Variants in HOOK3 observed in about 807,000 individuals in gnomAD.
The protein encoded by HOOK3 is protein Hook homolog 3.
HOOK3 carries 24 observed loss-of-function variants against 116.3 expected under a neutral mutation model. The observed-to-expected ratio is 0.21, with a 90% confidence interval of 0.15 to 0.29. HOOK3 has a LOEUF of 0.29. Ranked by LOEUF, HOOK3 falls within the 10% of genes least tolerant of loss-of-function variation. The pLI is 1.00. For synonymous variants in HOOK3, 275 were observed against 283.0 expected, an observed-to-expected ratio of 0.97 and a Z score of 0.28; for missense variants, 632 against 830.2, an observed-to-expected ratio of 0.76 and a Z score of 2.93.
intron 2 of HOOK3, among the ~76,000 whole-genome samples, chr8:42,915,630 C>G (rs1048309650): frequency 7.9e-5 from 12 of 152,064 alleles, no homozygotes; most frequent in African/African-American, 2.7e-4. Context: ...CGGGGTTTCA[C>G]TATGTTGGCC....
chr8:42,929,987 T>C, intron 3 of HOOK3, 135 bp from the exon 4 acceptor site: 1 of 745,842 alleles, frequency 1.3e-6, no homozygotes, highest in Non-Finnish European at 2.1e-6. Flanking sequence ...AATTCAAATA[T>C]GCTTTTGAAT....
chr8:42,911,218 G>A (rs1038264310), intron 2 of HOOK3, among the ~76,000 whole-genome samples: 8 of 152,288 alleles, frequency 5.3e-5, no homozygotes, highest in East Asian at 1.9e-4. Context: ...TTGGGAGGCC[G>A]AGGCGGGTGG....
chr8:42,954,263 T>C (rs1439522845), intron 6 of HOOK3, among the ~76,000 whole-genome samples: 1 of 152,220 alleles, frequency 6.6e-6, no homozygotes, highest in African/African-American at 2.4e-5. Context: ...CCCTTTTCTA[T>C]ATTTTTAAAT....
chr8:42,953,541 G>A (rs959976263), intron 6 of HOOK3, among the ~76,000 whole-genome samples: 9 of 151,334 alleles, frequency 5.9e-5, no homozygotes, highest in African/African-American at 2.2e-4. Context: ...TCCAGCCTGG[G>A]TGATAGTGCC....
At chr8:42,985,612 A>G in intron 14 of HOOK3, among the ~76,000 whole-genome samples, 1 of 152,090 alleles carries the variant, frequency 6.6e-6, no homozygotes, top group African/African-American at 2.4e-5. Flanking sequence ...TTTACTTTGT[A>G]ACTGAAAAAT....
At chr8:42,970,782 C>CTTTTTTTT (rs764513803) in intron 11 of HOOK3, among the ~76,000 whole-genome samples, 2,149 of 93,820 alleles carry the variant, frequency 0.023, 127 homozygotes, top group African/African-American at 0.051. Context: ...GAATTTGGGT[C>CTTTTTTTT]TTTTTTTTTT....
rs539771043 is a variant in HOOK3, at chr8:43,019,717, A to G, written c.*1219A>G. The G allele has an allele frequency of 8.7e-4, 177 of 204,248 alleles. No individual in the cohort carries two copies. Among genetic ancestry groups the G allele is most frequent in the South Asian group, 5.7e-3 (30 of 5,270 alleles). 12.7% of individuals were successfully genotyped at this position (204,248 alleles called of 1,614,324 possible). On this transcript the variant is annotated 3_prime_UTR_variant, in exon 22 of 22. Coordinates refer to ENST00000307602, the MANE Select transcript of HOOK3 (RefSeq NM_032410.4). ...AATCATTGTAAAGCACTTTGTATAT[A>G]TAAGGTGCTATATAAGTGTGAAATA...
intron 2 of HOOK3, among the ~76,000 whole-genome samples, chr8:42,914,260 C>T (rs1408002060): frequency 6.6e-6 from 1 of 152,164 alleles, no homozygotes; most frequent in Non-Finnish European, 1.5e-5. Flanking sequence ...ATATAGTACT[C>T]TTGTCTAAAC....
chr8:42,953,188 A>G (rs1484697673), intron 6 of HOOK3, among the ~76,000 whole-genome samples: 1 of 151,846 alleles, frequency 6.6e-6, no homozygotes, highest in African/African-American at 2.4e-5. Flanking sequence ...GGAAAAGAAT[A>G]AGAGGACCGC....
intron 11 of HOOK3, among the ~76,000 whole-genome samples, chr8:42,972,021 T>G (rs1808736693): frequency 1.3e-5 from 2 of 152,200 alleles, no homozygotes; most frequent in African/African-American, 4.8e-5. Context: ...CTCTTTACTT[T>G]TTTAAGTATG....
At chr8:42,937,989 T>G (rs1808005485) in intron 4 of HOOK3, among the ~76,000 whole-genome samples, 1 of 152,108 alleles carries the variant, frequency 6.6e-6, no homozygotes, top group Non-Finnish European at 1.5e-5. Context: ...GACAGTGGGG[T>G]GTTAAAGTCT....
intron 2 of HOOK3, among the ~76,000 whole-genome samples, chr8:42,919,862 G>A (rs1041594825): frequency 6.6e-6 from 1 of 152,154 alleles, no homozygotes; most frequent in Non-Finnish European, 1.5e-5. Flanking sequence ...GAATCAGGCA[G>A]GGAGGTTGCA....
chr8:42,901,112 C>T (rs1407010823), intron 1 of HOOK3, among the ~76,000 whole-genome samples: 1 of 152,228 alleles, frequency 6.6e-6, no homozygotes, highest in Non-Finnish European at 1.5e-5. Context: ...ACCCAACTCA[C>T]AGCCAAAAAT....
At chr8:42,962,368 C>T (rs575905114) in intron 8 of HOOK3, among the ~76,000 whole-genome samples, 5 of 146,840 alleles carry the variant, frequency 3.4e-5, no homozygotes, top group Non-Finnish European at 7.4e-5. Context: ...TCCCAAAGTG[C>T]TTGGATTAAA....
chr8:42,965,340 T>C (rs1808614000), intron 9 of HOOK3, among the ~76,000 whole-genome samples: 1 of 151,822 alleles, frequency 6.6e-6, no homozygotes, highest in Non-Finnish European at 1.5e-5. Flanking sequence ...TGTGTGTGTG[T>C]GTATGTGTGT....
intron 6 of HOOK3, among the ~76,000 whole-genome samples, chr8:42,956,697 G>A (rs1231874436): frequency 6.6e-6 from 1 of 152,146 alleles, no homozygotes; most frequent in Non-Finnish European, 1.5e-5. Context: ...TGATTCTACT[G>A]CCTCAGCCTC....
chr8:42,956,265 T>TGTGTGTGTGTGTGTGTGTGTGTG (rs1554512121), intron 6 of HOOK3, among the ~76,000 whole-genome samples: 3 of 149,114 alleles, frequency 2.0e-5, no homozygotes, highest in Admixed American at 6.8e-5. Context: ...TGTGTGTGTG[T>TGTGTGTGTGTGTGTGTGTGTGTG]TATCATTAAA....
At chr8:42,932,619 T>TA (rs1807895176) in intron 4 of HOOK3, among the ~76,000 whole-genome samples, 1 of 152,188 alleles carries the variant, frequency 6.6e-6, no homozygotes, top group Non-Finnish European at 1.5e-5. Context: ...CTACTGGTGT[T>TA]ACCTGTAGCC....
At position 42,914,838 on chromosome 8, in the gene HOOK3, C is replaced by T. The variant is rs7829878; in HGVS notation, c.143+8580C>T. Among the ~76,000 whole-genome samples, 680 of 152,248 alleles carry T rather than the reference C, an allele frequency of 4.5e-3. 8 individuals carry two copies. The highest frequency in any genetic ancestry group is 0.016 in the African/African-American group (647 of 41,550). Reference sequence around the variant, plus strand: ...TTTATCTTTAAAAATATTTCTCCACCGGGCGCCGTGGCTCATGCCTGTAAT... The same window carrying T: ...TTTATCTTTAAAAATATTTCTCCACTGGGCGCCGTGGCTCATGCCTGTAAT... On this transcript the variant is annotated intron_variant, in intron 2 of 21. Coordinates refer to ENST00000307602, the MANE Select transcript of HOOK3 (RefSeq NM_032410.4).
Sources: gnomAD v4.1 joint callset for allele counts (sites outside exome capture counted in the v4.1 genomes callset) on GRCh38, gnomAD v4.1.1 for gene constraint, MANE v1.5 for transcripts, NCBI Gene and HGNC (gene_info 2026-07-23, HGNC 2026-07-21) for gene names.